The following ARHGAP4 variants were observed in gnomAD, a reference collection of about 807,000 sequenced individuals.
The protein encoded by ARHGAP4 is rho GTPase-activating protein 4.
A neutral mutation model predicts 67.6 loss-of-function variants in ARHGAP4; 25 were observed. That is an observed-to-expected ratio of 0.37 (90% CI 0.27 to 0.52). The LOEUF (loss-of-function observed/expected upper bound fraction) is 0.52, where lower values mean the gene tolerates loss of function less well. ARHGAP4 is among the 20% of genes least tolerant of loss of function. ARHGAP4 has a pLI of 0.92. For synonymous variants in ARHGAP4, 448 were observed against 373.7 expected, an observed-to-expected ratio of 1.20 and a Z score of -2.29; for missense variants, 804 against 854.6, an observed-to-expected ratio of 0.94 and a Z score of 0.74.
intron 13 of ARHGAP4, 60 bp downstream of exon 13, chrX:153,911,069 C>T: frequency 8.6e-7 from 1 of 1,164,593 alleles, no homozygotes; most frequent in Non-Finnish European, 1.1e-6. Context: ...CCTCCCATGC[C>T]AGGTGCTGGG....
chrX:153,915,897 G>C (rs919531503), intron 7 of ARHGAP4, among the ~76,000 whole-genome samples: 1 of 112,471 alleles, frequency 8.9e-6, no homozygotes, highest in Non-Finnish European at 1.9e-5. Context: ...AAAGGATATA[G>C]CAGGGATTTT....
intron 20 of ARHGAP4, 25 bp from the exon 21 acceptor site, chrX:153,909,194 T>C (rs781974611): frequency 2.6e-6 from 3 of 1,160,997 alleles, no homozygotes; most frequent in Non-Finnish European, 3.5e-6. Context: ...GGGAGCCTGG[T>C]GGGGGCCCTG....
chrX:153,911,558 T>C (rs1433162849), intron 12 of ARHGAP4, among the ~76,000 whole-genome samples: 2 of 112,255 alleles, frequency 1.8e-5, no homozygotes, highest in Non-Finnish European at 3.8e-5. Context: ...TATTTGCAAA[T>C]TGTTGCTGGA....
Position 153,910,552 on chromosome X carries a change from C to T in ARHGAP4, c.1876G>A (p.Ala626Thr), listed in dbSNP as rs996546347. 6 of 1,202,640 alleles carry T rather than the reference C, an allele frequency of 5.0e-6. No homozygotes were observed. Among genetic ancestry groups the T allele is most frequent in the South Asian group, 3.5e-5 (2 of 56,358 alleles). Reference protein sequence around the residue: ...HVSRLLWRLPAPVLVVLRYLF... With the variant: ...HVSRLLWRLPTPVLVVLRYLF... Reference sequence around the variant, plus strand: ...TAGCGCAGAACCACCAGCACCGGCGCGGGCAGCCGCCACAGCAGGCGGCTC... The same window carrying T: ...TAGCGCAGAACCACCAGCACCGGCGTGGGCAGCCGCCACAGCAGGCGGCTC... The change falls in exon 16 of 22, where the codon GCG becomes ACG. Residue 626 changes from alanine (A) to threonine (T), a missense_variant. Physicochemically the swap from Ala to Thr is moderately conservative, Grantham distance 58 (BLOSUM62 0). Around this residue, in one of 2 missense-constraint regions of ARHGAP4, gnomAD observed 400 missense variants for 348.7 expected, o/e 1.15. Transcript: ENST00000350060.
chrX:153,925,026 T>C (rs147997186), intron 1 of ARHGAP4, among the ~76,000 whole-genome samples: 106 of 111,703 alleles, frequency 9.5e-4, no homozygotes, highest in Non-Finnish European at 1.6e-3. Flanking sequence ...CTTTTCAGTG[T>C]GAAATCACTG....
At position 153,926,226 on chromosome X, in the gene ARHGAP4, G is replaced by T. The variant is rs782476840; in HGVS notation, c.-24C>A. The stretch of plus-strand genomic sequence containing the variant: ...ATGGCGGCCTCGCGGCCGCGCCGTC[G>T]AACCCCACTGCTCCCACGCGGCCGT... On this transcript the variant is annotated 5_prime_UTR_variant, in exon 1 of 22. Transcript: ENST00000350060. The T allele has an allele frequency of 3.4e-6, 4 of 1,168,754 alleles. No individual in the cohort carries two copies. In the African/African-American group the frequency reaches 5.4e-5, roughly 16 times the overall value.
intron 7 of ARHGAP4, 53 bp downstream of exon 7, chrX:153,918,779 A>C (rs1249349541): frequency 2.6e-6 from 3 of 1,142,919 alleles, no homozygotes; most frequent in African/African-American, 1.8e-5. Context: ...TCCACTGCCC[A>C]CCATTACAGT....
At chrX:153,909,251 G>T (rs1603283618) in intron 20 of ARHGAP4, 82 bp from the exon 21 acceptor site, 1 of 977,973 alleles carries the variant, frequency 1.0e-6, no homozygotes, top group Non-Finnish European at 1.4e-6. Context: ...ATCCTGGGGT[G>T]TGGCCAAGGA....
intron 21 of ARHGAP4, among the ~76,000 whole-genome samples, 191 bp downstream of exon 21, chrX:153,908,879 G>A (rs898104747): frequency 3.6e-5 from 4 of 111,280 alleles, no homozygotes; most frequent in Non-Finnish European, 7.6e-5. Flanking sequence ...ATCCCCACCC[G>A]CCCTCACATC....
chrX:153,912,691 A>G lies in ARHGAP4; in HGVS notation c.1542+9T>C. ...ACAGGTGGGCTGGCATGTGGGGCAAAGCTAGTACCTGGATAAACTTCTCCA... is the reference window on the plus strand; with the variant it reads ...ACAGGTGGGCTGGCATGTGGGGCAAGGCTAGTACCTGGATAAACTTCTCCA... On this transcript the variant is annotated intron_variant, in intron 12 of 21. Transcript: ENST00000350060. 8.4e-7 allele frequency: 1 copy of G among 1,196,044 alleles called. No individual in the cohort carries two copies. Among genetic ancestry groups the G allele is most frequent in the Non-Finnish European group, 1.1e-6 (1 of 882,741 alleles).
At chrX:153,915,105 G>T (rs977920162) in intron 7 of ARHGAP4, among the ~76,000 whole-genome samples, 1 of 111,615 alleles carries the variant, frequency 9.0e-6, no homozygotes, top group Non-Finnish European at 1.9e-5. Flanking sequence ...TGAGGACATG[G>T]GACTCAGTGA....
chrX:153,914,883 G>A (rs1378802600), intron 7 of ARHGAP4, among the ~76,000 whole-genome samples: 1 of 111,712 alleles, frequency 9.0e-6, no homozygotes, highest in Non-Finnish European at 1.9e-5. Context: ...GGGAGCCAAC[G>A]CTTTAGAAAG....
chrX:153,910,889 G>GGCCCCCCCCC, intron 14 of ARHGAP4, 33 bp downstream of exon 14: 4 of 1,147,387 alleles, frequency 3.5e-6, no homozygotes, highest in Non-Finnish European at 3.5e-6. Flanking sequence ...ATCTGCCCGA[G>GGCCCCCCCCC]CCCCCACCCC....
chrX:153,919,092 A>T (rs782042704), intron 6 of ARHGAP4, 39 bp from the exon 7 acceptor site: 21 of 1,208,137 alleles, frequency 1.7e-5, no homozygotes, highest in Admixed American at 2.2e-5. Flanking sequence ...TAGGTCCTGG[A>T]GCCACAGCTT....
At chrX:153,925,896 C>A (rs1222991710) in intron 1 of ARHGAP4, among the ~76,000 whole-genome samples, 1 of 112,818 alleles carries the variant, frequency 8.9e-6, no homozygotes, top group African/African-American at 3.2e-5. Context: ...AGCGGTAGAC[C>A]CAAGGAGGAC....
In ARHGAP4 at chrX:153,911,196, A is replaced by ACAGAGGGT; in HGVS notation, c.1543-15_1543-8dup. On this transcript the variant is annotated splice_polypyrimidine_tract_variant and splice_region_variant and intron_variant, in intron 12 of 21. Transcript: ENST00000350060. ...GCACAGGCTGGCCTGAGCTCTGGGG[A>ACAGAGGGT]CAGAGGGTGTTTACTTCACCATGGA... 8.7e-7 allele frequency: 1 copy of ACAGAGGGT among 1,151,309 alleles called. No homozygotes were observed. The highest frequency in any genetic ancestry group is 1.2e-6 in the Non-Finnish European group (1 of 862,766). The allele number at this position is 1,151,309 out of a possible 1,213,427, so 94.9% of individuals were successfully genotyped here. A position where few individuals can be genotyped will look rare whatever the true frequency, so the allele number is the denominator to read the frequency against.
At chrX:153,912,249 TG>T (rs1348939404) in intron 12 of ARHGAP4, among the ~76,000 whole-genome samples, 1 of 110,467 alleles carries the variant, frequency 9.1e-6, no homozygotes, top group Non-Finnish European at 1.9e-5. Flanking sequence ...CTCGAACACC[TG>T]GGCTGAAGGG....
intron 19 of ARHGAP4, 49 bp from the exon 20 acceptor site, chrX:153,909,584 G>A (rs2065000842): frequency 9.4e-7 from 1 of 1,064,521 alleles, no homozygotes; most frequent in South Asian, 2.1e-5. Flanking sequence ...CCCTGCACGG[G>A]GTCCAGGGCC....
At chrX:153,920,876 C>T in intron 4 of ARHGAP4, 68 bp from the exon 5 acceptor site, 2 of 1,163,505 alleles carry the variant, frequency 1.7e-6, no homozygotes, top group Non-Finnish European at 2.3e-6. Context: ...CAGCCCTCTA[C>T]CCCTGCCCCT....
Sources: gnomAD v4.1 joint callset for allele counts (sites outside exome capture counted in the v4.1 genomes callset) on GRCh38, gnomAD v4.1.1 for gene constraint, gnomAD v4.1.1 regional missense constraint, MANE v1.5 for transcripts, NCBI Gene and HGNC (gene_info 2026-07-23, HGNC 2026-07-21) for gene names.